ADAMTS14: variants seen among roughly 807,000 people sequenced by gnomAD.
ADAMTS14 encodes the protein A disintegrin and metalloproteinase with thrombospondin motifs 14.
In ADAMTS14, 100 loss-of-function variants were observed where a neutral mutation model predicts 128.6. That is an observed-to-expected ratio of 0.78 (90% CI 0.66 to 0.92). ADAMTS14 has a LOEUF of 0.92. Among genes scored for constraint, ADAMTS14 ranks in the 40% least tolerant of loss-of-function variants. ADAMTS14 has a pLI of 0.00. For synonymous variants in ADAMTS14, 665 were observed against 653.8 expected, an observed-to-expected ratio of 1.02 and a Z score of -0.26; for missense variants, 1,562 against 1,658.6, an observed-to-expected ratio of 0.94 and a Z score of 1.01.
intron 4 of ADAMTS14, among the ~76,000 whole-genome samples, chr10:70,718,352 T>C (rs1183415959): frequency 6.6e-6 from 1 of 152,020 alleles, no homozygotes; most frequent in African/African-American, 2.4e-5. Flanking sequence ...GTAGTTCTTT[T>C]TAAAGTTTAT....
chr10:70,721,019 CTTTTT>C (rs56656736), intron 4 of ADAMTS14, among the ~76,000 whole-genome samples: 2 of 84,334 alleles, frequency 2.4e-5, no homozygotes, highest in Non-Finnish European at 4.3e-5. Context: ...TCTCTTTTTT[CTTTTT>C]TTTTTTTTTT....
At chr10:70,728,385 A>G (rs1263149692) in intron 4 of ADAMTS14, among the ~76,000 whole-genome samples, 2 of 152,084 alleles carry the variant, frequency 1.3e-5, no homozygotes, top group Admixed American at 6.5e-5. Context: ...CTTTTTTTGT[A>G]GTTTTCAGTT....
chr10:70,706,521 G>A (rs1041960671), intron 3 of ADAMTS14, among the ~76,000 whole-genome samples: 3 of 152,208 alleles, frequency 2.0e-5, no homozygotes, highest in Non-Finnish European at 4.4e-5. Context: ...CTCTCTCCCA[G>A]GAGTTTGGCT....
Position 70,732,249 on chromosome 10 carries a change from G to A in ADAMTS14, c.1103-5G>A, listed in dbSNP as rs746484722. ...CTCTCCACCTTTTCTTTCTCTCTTC[G>A]GCAGGGTATGCACCCGTCACTGGCA... On this transcript the variant is annotated splice_polypyrimidine_tract_variant and splice_region_variant and intron_variant, in intron 6 of 21. Coordinates refer to ENST00000373207, the MANE Select transcript of ADAMTS14 (RefSeq NM_080722.4). 39 of 1,613,564 alleles carry A rather than the reference G, an allele frequency of 2.4e-5. No homozygotes were observed. The South Asian group carries it at 2.9e-4, about 12-fold the overall frequency.
At position 70,730,450 on chromosome 10, in the gene ADAMTS14, G is replaced by T. The variant is rs113630997; in HGVS notation, c.1102+201G>T. Among the ~76,000 whole-genome samples, 33 of 152,310 alleles carry T rather than the reference G, an allele frequency of 2.2e-4. 1 individual carries two copies. The highest frequency in any genetic ancestry group is 7.9e-4 in the African/African-American group (33 of 41,570). The stretch of plus-strand genomic sequence containing the variant: ...TAGAGGGGTCCCTACTCTTGTCCCC[G>T]ATATTTTGGTGGAGGCTGCAGGCAG... On this transcript the variant is annotated intron_variant, in intron 6 of 21. Coordinates refer to ENST00000373207, the MANE Select transcript of ADAMTS14 (RefSeq NM_080722.4).
intron 19 of ADAMTS14, among the ~76,000 whole-genome samples, chr10:70,755,871 A>T (rs922750813): frequency 3.3e-5 from 5 of 152,236 alleles, no homozygotes; most frequent in Non-Finnish European, 5.9e-5. Flanking sequence ...AAATTAGTTA[A>T]GATGGCAAAC....
chr10:70,741,079 G>A lies in ADAMTS14; in HGVS notation c.1841G>A (p.Arg614Gln), dbSNP rs775877670. 1.7e-5 allele frequency: 27 copies of A among 1,613,854 alleles called. No homozygotes were observed. The highest frequency in any genetic ancestry group is 8.0e-5 in the African/African-American group (6 of 75,016). ...TGCCCTGGGACCTACGAGGACTTCCGGGCCCAGCAGTGTGCCAAGCGCAAC... is the reference window on the plus strand; with the variant it reads ...TGCCCTGGGACCTACGAGGACTTCCAGGCCCAGCAGTGTGCCAAGCGCAAC... ...EECPGTYEDFRAQQCAKRNSY... is the reference protein window; with the variant it reads ...EECPGTYEDFQAQQCAKRNSY... The change falls in exon 12 of 22, where the codon CGG becomes CAG. Residue 614 changes from arginine to glutamine, a missense_variant. Arg to Gln is a conservative substitution (Grantham distance 43, BLOSUM62 1). Coordinates refer to ENST00000373207, the MANE Select transcript of ADAMTS14 (RefSeq NM_080722.4).
intron 2 of ADAMTS14, among the ~76,000 whole-genome samples, chr10:70,683,179 C>T (rs955587386): frequency 6.6e-6 from 1 of 152,212 alleles, no homozygotes; most frequent in Non-Finnish European, 1.5e-5. Context: ...CTCCGTGGGC[C>T]GAGTGGGCGT....
intron 2 of ADAMTS14, among the ~76,000 whole-genome samples, chr10:70,677,131 A>G (rs768486538): frequency 1.1e-4 from 16 of 152,202 alleles, no homozygotes; most frequent in Admixed American, 2.0e-4. Context: ...ACTAGGTGCC[A>G]CAGGGACCAG....
rs1282150123 is a variant in ADAMTS14, at chr10:70,753,866, G to A, written c.2796G>A (p.Gly932=). The A allele has an allele frequency of 6.3e-7, 1 of 1,594,100 alleles. No individual in the cohort carries two copies. Among genetic ancestry groups the A allele is most frequent in the Non-Finnish European group, 8.5e-7 (1 of 1,171,628 alleles). The change falls in exon 19 of 22, where the codon GGG becomes GGA. Residue 932 remains glycine, a synonymous_variant. Coordinates refer to ENST00000373207, the MANE Select transcript of ADAMTS14 (RefSeq NM_080722.4). ...GGAAGCTGGGGGTGCAGACACGGGG[G>A]ATACAGTGCCTGCTGCCCCTCTCCA... The part of the protein sequence containing the change: ...SCGKLGVQTR[G]IQCLLPLSNG...
chr10:70,749,946 C>A lies in ADAMTS14; in HGVS notation c.2388C>A (p.Leu796=). ...EDAVEDAKES[L]KTSGPLPEAI... The stretch of plus-strand genomic sequence containing the variant: ...CGGTGGAGGATGCCAAGGAAAGCCT[C>A]AAGACCAGCGGGCCCCTGCCTGAAG... The change falls in exon 16 of 22, where the codon CTC becomes CTA. Residue 796 remains leucine (L), a synonymous_variant. Coordinates refer to ENST00000373207, the MANE Select transcript of ADAMTS14 (RefSeq NM_080722.4). 1.2e-6 allele frequency: 2 copies of A among 1,614,138 alleles called. No individual in the cohort carries two copies. Among genetic ancestry groups the A allele is most frequent in the African/African-American group, 1.3e-5 (1 of 75,040 alleles).
Position 70,708,791 on chromosome 10 carries a change from G to GC in ADAMTS14, c.870+13_870+14insC. The GC allele has an allele frequency of 6.8e-7, 1 of 1,475,044 alleles. No homozygotes were observed. The highest frequency in any genetic ancestry group is 9.2e-7 in the Non-Finnish European group (1 of 1,087,704). The allele number at this position is 1,475,044 out of a possible 1,614,324, so 91.4% of individuals were successfully genotyped here. A position where few individuals can be genotyped will look rare whatever the true frequency, so the allele number is the denominator to read the frequency against. On this transcript the variant is annotated intron_variant, in intron 4 of 21. Transcript: ENST00000373207. ...CCTCATGAATATCGTGAGTGTCCAT[G>GC]TGTCCTAGGACTTGGGGGGAGTGGG...
chr10:70,680,374 C>T (rs1839767087), intron 2 of ADAMTS14, among the ~76,000 whole-genome samples: 1 of 152,054 alleles, frequency 6.6e-6, no homozygotes, highest in Non-Finnish European at 1.5e-5. Flanking sequence ...CACTGCACTC[C>T]AGCCTAGGCA....
chr10:70,735,663 T>C (rs1841804218), intron 9 of ADAMTS14, among the ~76,000 whole-genome samples: 1 of 152,146 alleles, frequency 6.6e-6, no homozygotes, highest in African/African-American at 2.4e-5. Flanking sequence ...GCCAAGTCTT[T>C]CAGTCTAACT....
At position 70,700,439 on chromosome 10, in the gene ADAMTS14, A is replaced by G. The variant is rs559047817; in HGVS notation, c.523-1873A>G. Among the ~76,000 whole-genome samples the G allele has an allele frequency of 1.6e-4, 24 of 152,134 alleles. 1 individual carries two copies. The South Asian group carries it at 5.0e-3, about 32-fold the overall frequency. On this transcript the variant is annotated intron_variant, in intron 2 of 21. Coordinates refer to ENST00000373207, the MANE Select transcript of ADAMTS14 (RefSeq NM_080722.4). The stretch of plus-strand genomic sequence containing the variant: ...TGGGTGACCTTGTGACTCTGCCTGG[A>G]TGGGACTGTGAAGGGAGAATCTCCT...
Position 70,741,947 on chromosome 10 carries a change from G to C in ADAMTS14, c.1924+785G>C, listed in dbSNP as rs7921783. ...CCAGCCTCTCCATGGGTCCTCCATG[G>C]ACAGATGCTCATTCTCCATCACACA... On this transcript the variant is annotated intron_variant, in intron 12 of 21. Coordinates refer to ENST00000373207, the MANE Select transcript of ADAMTS14 (RefSeq NM_080722.4). 7.5e-3 allele frequency among the ~76,000 whole-genome samples: 1,139 copies of C among 152,286 alleles called. 11 individuals are homozygous for C. Among genetic ancestry groups the C allele is most frequent in the African/African-American group, 0.026 (1,077 of 41,550 alleles).
chr10:70,698,076 T>A (rs1341459137), intron 2 of ADAMTS14, among the ~76,000 whole-genome samples: 3 of 152,226 alleles, frequency 2.0e-5, no homozygotes, highest in Non-Finnish European at 4.4e-5. Context: ...GTGGCTCAAT[T>A]GGATGTAATC....
At chr10:70,729,490 G>A in intron 5 of ADAMTS14, 113 bp downstream of exon 5, 2 of 916,388 alleles carry the variant, frequency 2.2e-6, no homozygotes, top group Non-Finnish European at 3.5e-6. Context: ...TCTGTTTCCA[G>A]AATCAGAACT....
intron 6 of ADAMTS14, among the ~76,000 whole-genome samples, chr10:70,731,755 C>T (rs1841645920): frequency 6.6e-6 from 1 of 152,232 alleles, no homozygotes; most frequent in African/African-American, 2.4e-5. Flanking sequence ...TCTAGCCTTT[C>T]TGGCCCATGC....
Sources: allele counts gnomAD v4.1 joint callset (sites outside exome capture counted in the v4.1 genomes callset), GRCh38; gene constraint gnomAD v4.1.1; transcripts MANE v1.5; gene names NCBI Gene and HGNC (gene_info 2026-07-23, HGNC 2026-07-21).